Variants in BMAL1 observed in about 807,000 individuals in gnomAD.
The protein encoded by BMAL1 is basic helix-loop-helix ARNT like 1, also known as basic helix-loop-helix ARNT-like protein 1.
chr11:13,379,492 G>A, the BMAL1 span: 2 of 152,206 alleles, frequency 1.3e-5, no homozygotes, highest in Admixed American at 6.5e-5. Flanking sequence ...AGGGTAGTGT[G>A]CAGTGTAATC....
chr11:13,334,036 C>T, the BMAL1 span, among the ~76,000 whole-genome samples: 1 of 152,138 alleles, frequency 6.6e-6, no homozygotes, highest in South Asian at 2.1e-4. Context: ...ATGGGCCAGG[C>T]ACTGTTCTAA....
chr11:13,344,713 C>G, the BMAL1 span, among the ~76,000 whole-genome samples: 1 of 152,206 alleles, frequency 6.6e-6, no homozygotes, highest in Non-Finnish European at 1.5e-5. Context: ...ACAGGACTTG[C>G]AGTGGGGACA....
the BMAL1 span, among the ~76,000 whole-genome samples, chr11:13,347,175 T>A: frequency 6.6e-6 from 1 of 152,074 alleles, no homozygotes; most frequent in African/African-American, 2.4e-5. Context: ...GAGGGATTGC[T>A]TGAGTCCAGG....
chr11:13,284,194 GTGTGTATA>G, the BMAL1 span, among the ~76,000 whole-genome samples: 2 of 14,694 alleles, frequency 1.4e-4, 1 homozygote, highest in Non-Finnish European at 2.8e-4. Context: ...ATATATATAT[GTGTGTATA>G]TATATATGTG....
the BMAL1 span, among the ~76,000 whole-genome samples, chr11:13,377,633 ACTC>A: frequency 1.3e-5 from 2 of 151,766 alleles, no homozygotes; most frequent in Non-Finnish European, 2.9e-5. Context: ...GTCCTTTGGT[ACTC>A]CTCATTCCCT....
the BMAL1 span, among the ~76,000 whole-genome samples, chr11:13,300,841 A>C: frequency 6.6e-6 from 1 of 152,150 alleles, no homozygotes; most frequent in Non-Finnish European, 1.5e-5. Context: ...ACAAACAGAC[A>C]ACACTGACTT....
the BMAL1 span, chr11:13,365,640 A>C: frequency 2.7e-6 from 4 of 1,472,904 alleles, no homozygotes; most frequent in Non-Finnish European, 3.8e-6. Context: ...CAGCAGTCAG[A>C]AGTGTCACTC....
the BMAL1 span, among the ~76,000 whole-genome samples, chr11:13,309,716 C>T: frequency 6.6e-6 from 1 of 152,070 alleles, no homozygotes; most frequent in Non-Finnish European, 1.5e-5. Flanking sequence ...TAGAGAAACC[C>T]CCTCTCCTTC....
the BMAL1 span, among the ~76,000 whole-genome samples, chr11:13,341,315 T>G: frequency 4.5e-4 from 68 of 152,360 alleles, no homozygotes; most frequent in African/African-American, 1.6e-3. Flanking sequence ...CACTTTGTAG[T>G]TGGCCTTGCT....
the BMAL1 span, chr11:13,378,931 C>G: frequency 2.0e-5 from 3 of 153,820 alleles, no homozygotes; most frequent in Non-Finnish European, 2.9e-5. Context: ...TACTAGAAAC[C>G]AAGCAGATCA....
chr11:13,290,055 A>G, the BMAL1 span, among the ~76,000 whole-genome samples: 1 of 152,154 alleles, frequency 6.6e-6, no homozygotes, highest in Non-Finnish European at 1.5e-5. Context: ...TTGTTTCCTG[A>G]CTTTTTAATG....
the BMAL1 span, among the ~76,000 whole-genome samples, chr11:13,279,801 T>C: frequency 6.6e-6 from 1 of 152,194 alleles, no homozygotes; most frequent in Non-Finnish European, 1.5e-5. Context: ...TGTAGAAGCA[T>C]TTTGGTTTTG....
chr11:13,376,439 C>G, the BMAL1 span: 1 of 616,702 alleles, frequency 1.6e-6, no homozygotes, highest in Non-Finnish European at 3.0e-6. Flanking sequence ...TTAGGAAGGC[C>G]TAGGCAGGCA....
the BMAL1 span, among the ~76,000 whole-genome samples, chr11:13,316,034 GC>G: frequency 2.6e-5 from 4 of 152,158 alleles, no homozygotes; most frequent in East Asian, 7.7e-4. Context: ...CACTCCCTTT[GC>G]CCTTTTCTCT....
the BMAL1 span, among the ~76,000 whole-genome samples, chr11:13,328,123 T>G: frequency 6.6e-6 from 1 of 152,198 alleles, no homozygotes; most frequent in Non-Finnish European, 1.5e-5. Flanking sequence ...ACCTGCTGAT[T>G]TGCACATAAA....
chr11:13,356,403 A>G, the BMAL1 span: 2 of 538,280 alleles, frequency 3.7e-6, no homozygotes, highest in Non-Finnish European at 7.1e-6. Context: ...GGTTATATAG[A>G]TATTTCAATC....
the BMAL1 span, among the ~76,000 whole-genome samples, chr11:13,382,021 C>T: frequency 6.6e-6 from 1 of 152,082 alleles, no homozygotes; most frequent in South Asian, 2.1e-4. Flanking sequence ...GGCAGGACTC[C>T]TAGGGCACAA....
At chr11:13,364,897 G>T in the BMAL1 span, among the ~76,000 whole-genome samples, 7 of 152,158 alleles carry the variant, frequency 4.6e-5, no homozygotes, top group Non-Finnish European at 1.0e-4. Context: ...TCAGCCCTAT[G>T]TACATTAGAA....
At chr11:13,295,733 C>G in the BMAL1 span, among the ~76,000 whole-genome samples, 7 of 152,186 alleles carry the variant, frequency 4.6e-5, no homozygotes, top group Admixed American at 1.3e-4. Context: ...ATACAAGAGT[C>G]CAGATTTATG....
Sources: allele counts gnomAD v4.1 joint callset (sites outside exome capture counted in the v4.1 genomes callset), GRCh38; gene constraint gnomAD v4.1.1; transcripts MANE v1.5; gene names NCBI Gene and HGNC (gene_info 2026-07-23, HGNC 2026-07-21).